The following PPP1R3F variants were observed in gnomAD, a reference collection of about 807,000 sequenced individuals.
PPP1R3F encodes protein phosphatase 1 regulatory subunit 3F.
A neutral mutation model predicts 24.2 loss-of-function variants in PPP1R3F; 29 were observed. The ratio of observed to expected loss-of-function variants is 1.20; its 90% CI spans 0.89 to 1.63. The LOEUF is 1.63. Ranked by LOEUF, PPP1R3F falls within the 40% of genes most tolerant of loss-of-function variation. PPP1R3F has a pLI of 0.00. For synonymous variants in PPP1R3F, 363 were observed against 340.1 expected (o/e 1.07, Z -0.74); for missense variants, 823 against 729.3 (o/e 1.13, Z -1.48).
At chrX:49,278,651 T>C (rs2066228840) in intron 1 of PPP1R3F, among the ~76,000 whole-genome samples, 2 of 112,189 alleles carry the variant, frequency 1.8e-5, no homozygotes, top group African/African-American at 6.5e-5. Flanking sequence ...TTCTAGACTC[T>C]AGATCCGTAT....
chrX:49,299,790 C>T (rs1029157999), intron 3 of PPP1R3F, among the ~76,000 whole-genome samples: 3 of 111,877 alleles, frequency 2.7e-5, no homozygotes, highest in Non-Finnish European at 3.8e-5. Flanking sequence ...TTGAACTTCC[C>T]GGAGGCTTTG....
At chrX:49,278,226 A>G (rs781950762) in intron 1 of PPP1R3F, among the ~76,000 whole-genome samples, 53 of 111,807 alleles carry the variant, frequency 4.7e-4, no homozygotes, top group African/African-American at 1.6e-3. Context: ...GCCTGTTTGT[A>G]ATATATGTCC....
At chrX:49,280,782 A>G (rs900861430) in intron 1 of PPP1R3F, 3 of 109,223 alleles carry the variant, frequency 2.7e-5, no homozygotes, top group Non-Finnish European at 5.7e-5. Flanking sequence ...CCTAACCTCA[A>G]GTGGTCTCCC....
At chrX:49,292,056 C>T (rs1427531104), downstream of PPP1R3F, among the ~76,000 whole-genome samples, 2 of 111,977 alleles carry the variant, frequency 1.8e-5, no homozygotes, top group Non-Finnish European at 3.8e-5. Flanking sequence ...GTGATACCTG[C>T]CTTTGCCAGC....
chrX:49,283,863 A>G (rs1557121000), intron 3 of PPP1R3F, among the ~76,000 whole-genome samples: 1 of 111,590 alleles, frequency 9.0e-6, no homozygotes, highest in East Asian at 2.8e-4. Context: ...TATTAAATTA[A>G]CTAGAATTAA....
chrX:49,279,856 T>C (rs2066236592), intron 1 of PPP1R3F, among the ~76,000 whole-genome samples: 1 of 112,719 alleles, frequency 8.9e-6, no homozygotes, highest in South Asian at 3.7e-4. Flanking sequence ...GAACAGTGAC[T>C]TCTCCATGAT....
At chrX:49,281,333 A>G (rs1325417604) in intron 1 of PPP1R3F, 73 bp from the exon 2 acceptor site, 2 of 785,326 alleles carry the variant, frequency 2.5e-6, no homozygotes, top group Non-Finnish European at 3.7e-6. Context: ...GAGGCTCAGA[A>G]GGTGCCAGTG....
intron 3 of PPP1R3F, among the ~76,000 whole-genome samples, chrX:49,299,417 C>T (rs1300631154): frequency 3.6e-5 from 4 of 111,530 alleles, no homozygotes; most frequent in East Asian, 2.8e-4. Flanking sequence ...AGATGCCAGC[C>T]GGAGCTCTTG....
At chrX:49,273,605 ATAT>A (rs1407437203) in intron 1 of PPP1R3F, 2 of 112,486 alleles carry the variant, frequency 1.8e-5, no homozygotes, top group African/African-American at 6.5e-5. Context: ...ACATTTCAAC[ATAT>A]TATTGTTTTA....
intron 1 of PPP1R3F, among the ~76,000 whole-genome samples, chrX:49,280,606 C>T (rs984439522): frequency 1.9e-4 from 19 of 98,125 alleles, no homozygotes; most frequent in Non-Finnish European, 3.1e-4. Context: ...AGTGCAATGG[C>T]GCGATCTTGG....
rs1557118568 is a variant in PPP1R3F at position 49,269,943 on chromosome X, G to A, written c.74G>A (p.Arg25His). The A allele has an allele frequency of 4.6e-6, 4 of 873,348 alleles. No homozygotes were observed. The highest frequency in any genetic ancestry group is 6.0e-5 in the South Asian group (1 of 16,573). 72.0% of individuals were successfully genotyped at this position (873,348 alleles called of 1,213,427 possible). Residue 25 changes from arginine (R) to histidine (H), a missense_variant, in exon 1 of 4, where the codon CGC (arginine) becomes CAC (histidine). By Grantham distance (29) the Arg-to-His change is conservative. Coordinates refer to ENST00000055335, the MANE Select transcript of PPP1R3F (RefSeq NM_033215.5). Reference protein sequence around the residue: ...APPSPAAGEPRTSVEAAVAPR... With the variant: ...APPSPAAGEPHTSVEAAVAPR... ...CCCTCGCCGGCCGCGGGTGAGCCCC[G>A]CACCTCGGTCGAGGCGGCGGTGGCC...
At position 49,287,265 on chromosome X, in the gene PPP1R3F, G is replaced by A. The variant is rs2066293155; in HGVS notation, c.*175G>A. The A allele has an allele frequency of 8.7e-6, 4 of 458,720 alleles. No individual in the cohort carries two copies. The South Asian group carries it at 1.1e-4, about 12-fold the overall frequency. The allele number at this position is 458,720 out of a possible 1,213,427, so 37.8% of individuals were successfully genotyped here. A position where few individuals can be genotyped will look rare whatever the true frequency, so the allele number is the denominator to read the frequency against. Reference sequence around the variant, plus strand: ...GACACCAGTGGAGATGAGGGAACGGGTAGATGGTGTGAGTGAGGGGAACTT... The same window carrying A: ...GACACCAGTGGAGATGAGGGAACGGATAGATGGTGTGAGTGAGGGGAACTT... On this transcript the variant is annotated 3_prime_UTR_variant, in exon 4 of 4. Transcript: ENST00000055335.
At position 49,270,726 on chromosome X, in the gene PPP1R3F, G is replaced by C. The variant is rs782351810; in HGVS notation, c.857G>C (p.Arg286Pro). 1 of 1,206,284 alleles carries C rather than the reference G, an allele frequency of 8.3e-7. No individual in the cohort carries two copies. The highest frequency in any genetic ancestry group is 1.7e-5 in the African/African-American group (1 of 57,874). Residue 286 changes from arginine (R) to proline (P), a missense_variant, in exon 1 of 4, where the codon CGG (arginine) becomes CCG (proline). Arg to Pro is a moderately radical substitution (Grantham distance 103). Coordinates refer to ENST00000055335, the MANE Select transcript of PPP1R3F (RefSeq NM_033215.5). ...NHGRNYTVLL[R>P]IAPAPTPTDA... ...GGCCGCAACTACACAGTCCTGCTCC[G>C]GATCGCACCCGCTCCCACACCCACT...
Position 49,270,476 on chromosome X carries a change from C to T in PPP1R3F, c.607C>T (p.Pro203Ser). 1 of 1,203,806 alleles carries T rather than the reference C, an allele frequency of 8.3e-7. No homozygotes were observed. Among genetic ancestry groups the T allele is most frequent in the Non-Finnish European group, 1.1e-6 (1 of 894,687 alleles). Residue 203 changes from proline (P) to serine (S), a missense_variant, in exon 1 of 4, where the codon CCG becomes TCG. Physicochemically the swap from Pro to Ser is moderately conservative, Grantham distance 74 (BLOSUM62 -1). Transcript: ENST00000055335. ...CCCAGCGCGCTACGTCCCGCGCAGC[C>T]CGCCGTGGGCAGGAGCGGGAGGAAC... Reference protein sequence around the residue: ...DHPARYVPRSPPWAGAGGTGA... With the variant: ...DHPARYVPRSSPWAGAGGTGA...
chrX:49,270,107 G>T lies in PPP1R3F; in HGVS notation c.238G>T (p.Asp80Tyr). The T allele has an allele frequency of 2.0e-6, 2 of 1,022,015 alleles. No homozygotes were observed. Among genetic ancestry groups the T allele is most frequent in the Middle Eastern group, 3.6e-4 (1 of 2,776 alleles). The allele number at this position is 1,022,015 out of a possible 1,213,427, so 84.2% of individuals were successfully genotyped here. Residue 80 changes from aspartate to tyrosine, a missense_variant, in exon 1 of 4, where the codon GAC becomes TAC. Asp to Tyr is a radical substitution (Grantham distance 160). Transcript: ENST00000055335. ...AGATGGCGGCGGCGGCGGCGGGGCC[G>T]ACGAGGACGACGATGGCGAGGATGG... is the stretch of plus-strand genomic sequence containing the variant. The part of the protein sequence containing the change: ...GQDGGGGGGA[D>Y]EDDDGEDGDE...
rs1334637038 is a variant in PPP1R3F, at chrX:49,286,074, T to G, written c.1384T>G (p.Ser462Ala). 2.0e-5 allele frequency: 24 copies of G among 1,173,172 alleles called. No individual in the cohort carries two copies. Among genetic ancestry groups the G allele is most frequent in the Non-Finnish European group, 2.7e-5 (24 of 874,899 alleles). Reference sequence around the variant, plus strand: ...GCAGGCAGAGGCCACATGGGGAGTATCGAGTGAGAATGGAGGGGGGCTGGA... The same window carrying G: ...GCAGGCAGAGGCCACATGGGGAGTAGCGAGTGAGAATGGAGGGGGGCTGGA... ...QQQAEATWGV[S>A]SENGGGLEAV... Residue 462 changes from serine to alanine, a missense_variant, in exon 4 of 4, where the codon TCG becomes GCG. Transcript: ENST00000055335.
chrX:49,293,819 A>G (rs1557122568), intron 3 of PPP1R3F, among the ~76,000 whole-genome samples: 1 of 111,668 alleles, frequency 9.0e-6, no homozygotes, highest in Non-Finnish European at 1.9e-5. Context: ...AACATGGAGA[A>G]CCCCATCTCT....
rs35140303 is a variant in PPP1R3F at position 49,300,477 on chromosome X, GTTTTTTTTTTT to G, written c.393-854_393-844del. 1.8e-4 allele frequency among the ~76,000 whole-genome samples: 13 copies of G among 70,383 alleles called. No homozygotes were observed. In the East Asian group the frequency reaches 4.6e-3, roughly 25 times the overall value. 61.1% of individuals were successfully genotyped at this position (70,383 alleles called of 115,157 possible). On this transcript the variant is annotated intron_variant, in intron 3 of 3. Transcript: ENST00000471261. ...ATTTGGCCATCTTGCTATTGCTGCT[GTTTTTTTTTTT>G]TTTTTTTTTTTTTTTTTTTAAGACA...
intron 3 of PPP1R3F, 26 bp from the exon 4 acceptor site, chrX:49,285,808 C>T: frequency 9.0e-7 from 1 of 1,113,428 alleles, no homozygotes; most frequent in South Asian, 2.5e-5. Context: ...TTTTTCTCTG[C>T]CCCCTTGCCC....
Sources: gnomAD v4.1 joint callset for allele counts (sites outside exome capture counted in the v4.1 genomes callset) on GRCh38, gnomAD v4.1.1 for gene constraint, MANE v1.5 for transcripts, NCBI Gene and HGNC (gene_info 2026-07-23, HGNC 2026-07-21) for gene names.